The following SALL4 variants were observed in gnomAD, a reference collection of about 807,000 sequenced individuals.
The protein encoded by SALL4 is spalt like transcription factor 4, also known as sal-like protein 4.
SALL4 carries 4 observed loss-of-function variants against 60.8 expected under a neutral mutation model. The ratio of observed to expected loss-of-function variants is 0.07; its 90% CI spans 0.03 to 0.15. The LOEUF is 0.15. Among genes scored for constraint, SALL4 ranks in the 10% least tolerant of loss-of-function variants. SALL4 has a pLI of 1.00. For synonymous variants in SALL4, 580 were observed against 574.9 expected (o/e 1.01, Z -0.13); for missense variants, 1,178 against 1,394.7 (o/e 0.84, Z 2.48).
Position 51,784,283 on chromosome 20 carries a change from G to A in SALL4, c.3144C>T (p.Asn1048=). 6.2e-7 allele frequency: 1 copy of A among 1,614,090 alleles called. No homozygotes were observed. Among genetic ancestry groups the A allele is most frequent in the Non-Finnish European group, 8.5e-7 (1 of 1,180,042 alleles). ...TTCTCCCTTAGCTGACCGCAATCTT[G>A]TTTTCTTCCAGGAAGTGAGGAAACT... ...KHQFPHFLEE[N]KIAVS Residue 1048 remains asparagine, a synonymous_variant, in exon 4 of 4, where the codon AAC becomes AAT. Transcript: ENST00000217086.
chr20:51,795,925 T>C (rs12106070), intron 1 of SALL4, among the ~76,000 whole-genome samples: 44,559 of 152,032 alleles, frequency 0.29, 6,884 homozygotes, highest in Non-Finnish European at 0.33. Context: ...CTGGGCACAG[T>C]GGCTCACACC....
chr20:51,792,291 C>G lies in SALL4; in HGVS notation c.192G>C (p.Lys64Asn), dbSNP rs764704844. The change falls in exon 2 of 4, where the codon AAG (lysine) becomes AAC (asparagine). Residue 64 changes from lysine (K) to asparagine (N), a missense_variant. By Grantham distance (94) the Lys-to-Asn change is moderately conservative. This residue lies in a region of SALL4 where 108 missense variants were observed against 95.7 expected (regional missense o/e 1.13). Coordinates refer to ENST00000217086, the MANE Select transcript of SALL4 (RefSeq NM_020436.5). ...EVASEDEATV[K>N]RLRREETHVC... ...CGTGCGTCTCCTCCCGACGAAGCCG[C>G]TTTACTGTGGCTTCATCCTCACTCG... 1.2e-6 allele frequency: 2 copies of G among 1,610,610 alleles called. No homozygotes were observed. The highest frequency in any genetic ancestry group is 4.5e-5 in the East Asian group (2 of 44,882).
chr20:51,788,564 G>A lies in SALL4; in HGVS notation c.2742+297C>T, dbSNP rs556818586. On this transcript the variant is annotated intron_variant, in intron 3 of 3. Transcript: ENST00000217086. The surrounding 1 kb of genome is among the most constrained non-coding windows in gnomAD (Gnocchi z 4.1). ...AAATTAGCCGGCCATGGTGGCGGAC[G>A]CCTGTAGTCCCAGCTACTCAGGAGG... Among the ~76,000 whole-genome samples the A allele has an allele frequency of 1.3e-4, 20 of 152,086 alleles. No homozygotes were observed. Among genetic ancestry groups the A allele is most frequent in the Non-Finnish European group, 2.4e-4 (16 of 68,014 alleles).
chr20:51,791,269 G>T lies in SALL4; in HGVS notation c.1214C>A (p.Thr405Asn). 1 of 1,614,160 alleles carries T rather than the reference G, an allele frequency of 6.2e-7. No homozygotes were observed. The highest frequency in any genetic ancestry group is 8.5e-7 in the Non-Finnish European group (1 of 1,180,038). ...AGAGCACACGAAGGGTCTCTCTCCAGTGTGGGAGCGGAGGTGGATCTGCAA... is the reference window on the plus strand; with the variant it reads ...AGAGCACACGAAGGGTCTCTCTCCATTGTGGGAGCGGAGGTGGATCTGCAA... ...SSLQIHLRSHTGERPFVCSVC... is the reference protein window; with the variant it reads ...SSLQIHLRSHNGERPFVCSVC... The change falls in exon 2 of 4, where the codon ACT (threonine) becomes AAT (asparagine). Residue 405 changes from threonine to asparagine, a missense_variant. By Grantham distance (65) the Thr-to-Asn change is moderately conservative (BLOSUM62 0). Around this residue, in one of 5 missense-constraint regions of SALL4, gnomAD observed 853 missense variants for 1,036.8 expected, o/e 0.82. Coordinates refer to ENST00000217086, the MANE Select transcript of SALL4 (RefSeq NM_020436.5). The surrounding 1 kb of genome is among the most constrained non-coding windows in gnomAD (Gnocchi z 4.6).
At chr20:51,795,332 G>A (rs748438109) in intron 1 of SALL4, among the ~76,000 whole-genome samples, 18 of 152,060 alleles carry the variant, frequency 1.2e-4, no homozygotes, top group Admixed American at 4.6e-4. Flanking sequence ...GCGTGAACCC[G>A]GGAGGCAGAG....
At position 51,790,196 on chromosome 20, in the gene SALL4, A is replaced by C; in HGVS notation, c.2287T>G (p.Ser763Ala). 6.2e-7 allele frequency: 1 copy of C among 1,614,104 alleles called. No homozygotes were observed. Residue 763 changes from serine (S) to alanine (A), a missense_variant, in exon 2 of 4, where the codon TCA (serine) becomes GCA (alanine). By Grantham distance (99) the Ser-to-Ala change is moderately conservative (BLOSUM62 1). Transcript: ENST00000217086. The surrounding 1 kb of genome is among the most constrained non-coding windows in gnomAD (Gnocchi z 5.5). ...SVESDGLTND[S>A]SSLMGDQEYQ... ...TCCTGGTCTCCCATCAGCGAGGATG[A>C]GTCGTTGGTCAAGCCATCGCTCTCC...
chr20:51,795,542 G>T (rs2078074405), intron 1 of SALL4, among the ~76,000 whole-genome samples: 1 of 152,228 alleles, frequency 6.6e-6, no homozygotes, highest in African/African-American at 2.4e-5. Context: ...ACCAGCACTA[G>T]TGGGAGTGCT....
At chr20:51,796,656 T>C (rs570162730) in intron 1 of SALL4, among the ~76,000 whole-genome samples, 3 of 152,300 alleles carry the variant, frequency 2.0e-5, no homozygotes, top group Non-Finnish European at 4.4e-5. Flanking sequence ...CAGAACTAAA[T>C]GGCTCAAGAT....
Position 51,791,581 on chromosome 20 carries a change from G to C in SALL4, c.902C>G (p.Ser301Cys). 1 of 1,613,670 alleles carries C rather than the reference G, an allele frequency of 6.2e-7. No individual in the cohort carries two copies. ...CCCTGGGGACAGGGAGCTGGTGGCA[G>C]AAGGGATGTTGGCGTGAGGTAGCTT... The part of the protein sequence containing the change: ...QAKLPHANIP[S>C]ATSSLSPGLA... Residue 301 changes from serine to cysteine, a missense_variant, in exon 2 of 4, where the codon TCT becomes TGT. Transcript: ENST00000217086. This position sits in a 1 kb window ranked among gnomAD's most constrained non-coding sequence, Gnocchi z 4.6.
Position 51,791,104 on chromosome 20 carries a change from G to C in SALL4, c.1379C>G (p.Ser460Cys). The C allele has an allele frequency of 8.1e-6, 13 of 1,614,186 alleles. No homozygotes were observed. Among genetic ancestry groups the C allele is most frequent in the Non-Finnish European group, 1.1e-5 (13 of 1,180,040 alleles). The change falls in exon 2 of 4, where the codon TCT (serine) becomes TGT (cysteine). Residue 460 changes from serine to cysteine, a missense_variant. Physicochemically the swap from Ser to Cys is moderately radical, Grantham distance 112 (BLOSUM62 -1). Coordinates refer to ENST00000217086, the MANE Select transcript of SALL4 (RefSeq NM_020436.5). This position sits in a 1 kb window ranked among gnomAD's most constrained non-coding sequence, Gnocchi z 4.6. Reference sequence around the variant, plus strand: ...CGGTTCATCTATGGGGTCAGGTACAGAGAGTGCATAGGGGATGCCATTGCC... The same window carrying C: ...CGGTTCATCTATGGGGTCAGGTACACAGAGTGCATAGGGGATGCCATTGCC... ...AAGNGIPYAL[S>C]VPDPIDEPSL...
At chr20:51,793,637 C>T (rs1427486490) in intron 1 of SALL4, among the ~76,000 whole-genome samples, 3 of 152,094 alleles carry the variant, frequency 2.0e-5, no homozygotes, top group Non-Finnish European at 4.4e-5. Context: ...CCATGTTGGC[C>T]AGGCTGGTCT....
At position 51,790,861 on chromosome 20, in the gene SALL4, G is replaced by T. The variant is rs1443930225; in HGVS notation, c.1622C>A (p.Thr541Asn). 2.5e-6 allele frequency: 4 copies of T among 1,614,074 alleles called. No homozygotes were observed. The highest frequency in any genetic ancestry group is 3.4e-6 in the Non-Finnish European group (4 of 1,180,008). The change falls in exon 2 of 4, where the codon ACC (threonine) becomes AAC (asparagine). Residue 541 changes from threonine to asparagine, a missense_variant. Physicochemically the swap from Thr to Asn is moderately conservative, Grantham distance 65. Transcript: ENST00000217086. The surrounding 1 kb of genome is among the most constrained non-coding windows in gnomAD (Gnocchi z 5.5). The stretch of plus-strand genomic sequence containing the variant: ...CAGGGTCTCTGACCCTGGCTCAGGG[G>T]TCCCACTCCCTTGGAAGCCACCAGC... ...PRAGGFQGSG[T>N]PEPGSETLKL... is the part of the protein sequence containing the mutation.
At position 51,791,871 on chromosome 20, in the gene SALL4, G is replaced by A. The variant is rs367890518; in HGVS notation, c.612C>T (p.Pro204=). 3.0e-5 allele frequency: 48 copies of A among 1,614,078 alleles called. No homozygotes were observed. Among genetic ancestry groups the A allele is most frequent in the Admixed American group, 1.0e-4 (6 of 60,030 alleles). ...ACGGGATGCTGTTGGCACCAGGCAC[G>A]GGGGCAGGGAGTGCATCCGCGCTCC... ...NQRSADALPA[P]VPGANSIPWV... is the part of the protein sequence containing the mutation. The change falls in exon 2 of 4, where the codon CCC becomes CCT. Residue 204 remains proline, a synonymous_variant. Coordinates refer to ENST00000217086, the MANE Select transcript of SALL4 (RefSeq NM_020436.5). This position sits in a 1 kb window ranked among gnomAD's most constrained non-coding sequence, Gnocchi z 4.6.
At chr20:51,794,193 T>C (rs905556110) in intron 1 of SALL4, among the ~76,000 whole-genome samples, 3 of 152,208 alleles carry the variant, frequency 2.0e-5, no homozygotes, top group South Asian at 2.1e-4. Flanking sequence ...GGGGACCCAA[T>C]GGTGAAAAGA....
intron 1 of SALL4, among the ~76,000 whole-genome samples, chr20:51,796,731 G>C (rs1179478069): frequency 6.6e-6 from 1 of 152,070 alleles, no homozygotes; most frequent in Non-Finnish European, 1.5e-5. Flanking sequence ...ACTAAAATTA[G>C]TGGCCCAATT....
At chr20:51,794,352 G>A (rs921986061) in intron 1 of SALL4, among the ~76,000 whole-genome samples, 2 of 152,136 alleles carry the variant, frequency 1.3e-5, no homozygotes, top group Non-Finnish European at 2.9e-5. Flanking sequence ...CTGAGAGTTC[G>A]AAACCAGCCT....
chr20:51,790,363 T>C lies in SALL4; in HGVS notation c.2120A>G (p.Lys707Arg). Residue 707 changes from lysine (K) to arginine (R), a missense_variant, in exon 2 of 4, where the codon AAG becomes AGG. Lys to Arg is a conservative substitution (Grantham distance 26). This residue lies in a region of SALL4 where 853 missense variants were observed against 1,036.8 expected (regional missense o/e 0.82). Transcript: ENST00000217086. This position sits in a 1 kb window ranked among gnomAD's most constrained non-coding sequence, Gnocchi z 5.5. ...SSQEAPSSSS[K>R]VPTPLPSIHS... ...GATGCTGGGAAGAGGCGTGGGGACC[T>C]TGGAGGAGCTGCTGGGAGCCTCCTG... is the stretch of plus-strand genomic sequence containing the variant. 6.2e-7 allele frequency: 1 copy of C among 1,614,146 alleles called. No individual in the cohort carries two copies. Among genetic ancestry groups the C allele is most frequent in the Non-Finnish European group, 8.5e-7 (1 of 1,180,034 alleles).
chr20:51,795,443 C>G (rs556806027), intron 1 of SALL4, among the ~76,000 whole-genome samples: 1 of 152,232 alleles, frequency 6.6e-6, no homozygotes, highest in South Asian at 2.1e-4. Flanking sequence ...AAATGTTCGT[C>G]AATTCCCAGA....
intron 1 of SALL4, among the ~76,000 whole-genome samples, chr20:51,800,884 G>A (rs924105689): frequency 6.6e-6 from 1 of 152,206 alleles, no homozygotes; most frequent in African/African-American, 2.4e-5. Flanking sequence ...AATGTTAAAC[G>A]GGGAATTCTA....
Sources: gnomAD v4.1 joint callset for allele counts (sites outside exome capture counted in the v4.1 genomes callset) on GRCh38, gnomAD v4.1.1 for gene constraint, gnomAD v4.1.1 regional missense constraint, Gnocchi (gnomAD v3.1) non-coding constraint, MANE v1.5 for transcripts, NCBI Gene and HGNC (gene_info 2026-07-23, HGNC 2026-07-21) for gene names.